Variants in TNN observed in about 807,000 individuals in gnomAD.
TNN encodes tenascin-N.
Under a neutral mutation model 134.4 loss-of-function variants are expected in TNN, and 122 were observed. The ratio of observed to expected loss-of-function variants is 0.91; its 90% CI spans 0.78 to 1.06. The LOEUF (loss-of-function observed/expected upper bound fraction) is 1.06. TNN is among the 50% of genes least tolerant of loss of function. The pLI is 0.00. For synonymous variants in TNN, 710 were observed against 670.3 expected, an observed-to-expected ratio of 1.06 and a Z score of -0.91; for missense variants, 1,739 against 1,699.4, an observed-to-expected ratio of 1.02 and a Z score of -0.41.
chr1:175,084,702 T>C (rs1019151778), intron 5 of TNN, among the ~76,000 whole-genome samples: 2 of 152,246 alleles, frequency 1.3e-5, no homozygotes, highest in East Asian at 1.9e-4. Flanking sequence ...GGGTTCTTAG[T>C]GTTTGTGGAG....
At chr1:175,073,169 G>A (rs1558345119) in intron 1 of TNN, among the ~76,000 whole-genome samples, 1 of 152,092 alleles carries the variant, frequency 6.6e-6, no homozygotes, top group Non-Finnish European at 1.5e-5. Flanking sequence ...AACGGCAGAA[G>A]TGTATAGGGA....
In TNN at chr1:175,128,268, T is replaced by A; in HGVS notation, c.3178+104T>A. On this transcript the variant is annotated intron_variant, in intron 14 of 18. Transcript: ENST00000239462. ...GAGCAAGTGGATGCAGAACTATTGA[T>A]TTCTCTAGGCATGGGGAAGTGGAAA... 6 of 1,120,370 alleles carry A rather than the reference T, an allele frequency of 5.4e-6. No homozygotes were observed. In the South Asian group the frequency reaches 7.9e-5, roughly 15 times the overall value. 69.4% of individuals were successfully genotyped at this position (1,120,370 alleles called of 1,614,324 possible).
intron 9 of TNN, among the ~76,000 whole-genome samples, chr1:175,103,334 C>T (rs1380464484): frequency 6.8e-6 from 1 of 146,168 alleles, no homozygotes; most frequent in Non-Finnish European, 1.5e-5. Flanking sequence ...ACATTCTTCC[C>T]CTAAGAAGGT....
rs779937308 is a variant in TNN at position 175,097,728 on chromosome 1, G to A, written c.1855+45G>A. ...CAATTGGAATTGAGTTTTAGCTTGT[G>A]GATTTGAATAGGTATGGTATCAAAG... On this transcript the variant is annotated intron_variant, in intron 8 of 18. Transcript: ENST00000239462. 4 of 1,611,266 alleles carry A rather than the reference G, an allele frequency of 2.5e-6. No homozygotes were observed. In the Admixed American group the frequency reaches 6.7e-5, roughly 27 times the overall value.
At position 175,118,936 on chromosome 1, in the gene TNN, GTTT is replaced by G. The variant is rs1558366152; in HGVS notation, c.2650+114_2650+116del. ...ATCTGTAACCTCAGGGCTGCAGACT[GTTT>G]TAGGAGAGTTTGCTGTAAAAACAAA... On this transcript the variant is annotated intron_variant, in intron 11 of 18. Coordinates refer to ENST00000239462, the MANE Select transcript of TNN (RefSeq NM_022093.2). The G allele has an allele frequency of 4.4e-5, 60 of 1,371,094 alleles. No individual in the cohort carries two copies. In the South Asian group the frequency reaches 7.9e-4, roughly 18 times the overall value. The allele number at this position is 1,371,094 out of a possible 1,614,324, so 84.9% of individuals were successfully genotyped here.
intron 6 of TNN, among the ~76,000 whole-genome samples, chr1:175,086,967 T>C (rs935948453): frequency 3.3e-5 from 5 of 152,156 alleles, no homozygotes; most frequent in African/African-American, 1.2e-4. Context: ...ATGAAGTAGA[T>C]ACTATTATTA....
chr1:175,079,955 T>C (rs1236138765), intron 3 of TNN, among the ~76,000 whole-genome samples: 1 of 125,224 alleles, frequency 8.0e-6, no homozygotes, highest in African/African-American at 3.5e-5. Context: ...TGTGATCTAA[T>C]GGCTGTGTGT....
At chr1:175,136,198 G>T (rs1192982289) in intron 16 of TNN, among the ~76,000 whole-genome samples, 1 of 152,160 alleles carries the variant, frequency 6.6e-6, no homozygotes, top group East Asian at 1.9e-4. Context: ...GCAGCCTGAA[G>T]ATCTTAGAAG....
At chr1:175,090,483 T>C (rs911991115) in intron 6 of TNN, among the ~76,000 whole-genome samples, 3 of 152,114 alleles carry the variant, frequency 2.0e-5, no homozygotes, top group African/African-American at 7.2e-5. Context: ...TCATTTCTCA[T>C]AGATTTTTCA....
At chr1:175,132,400 C>T (rs746507325) in intron 15 of TNN, among the ~76,000 whole-genome samples, 5 of 152,116 alleles carry the variant, frequency 3.3e-5, no homozygotes, top group Non-Finnish European at 5.9e-5. Flanking sequence ...AGGGCCAGCA[C>T]TCACGAAATG....
chr1:175,142,943 G>A (rs1675973605), intron 17 of TNN, among the ~76,000 whole-genome samples: 1 of 152,122 alleles, frequency 6.6e-6, no homozygotes, highest in South Asian at 2.1e-4. Context: ...AGTTCTCAGG[G>A]GATGTGGATG....
rs189072607 is a variant in TNN at position 175,075,360 on chromosome 1, T to A, written c.-35-2024T>A. ...TCGCCCAGGCTGGAGTGCAGTGGCA[T>A]GGTCTCGGCTCACTGCAGCCTCCGC... is the stretch of plus-strand genomic sequence containing the variant. On this transcript the variant is annotated intron_variant, in intron 1 of 18. Coordinates refer to ENST00000239462, the MANE Select transcript of TNN (RefSeq NM_022093.2). Among the ~76,000 whole-genome samples the A allele has an allele frequency of 3.6e-3, 542 of 152,276 alleles. 3 individuals carry two copies. Among genetic ancestry groups the A allele is most frequent in the African/African-American group, 0.012 (517 of 41,554 alleles).
At chr1:175,108,051 C>A (rs1051048935) in intron 9 of TNN, among the ~76,000 whole-genome samples, 3 of 151,488 alleles carry the variant, frequency 2.0e-5, no homozygotes, top group African/African-American at 7.3e-5. Context: ...GGTGTATTTA[C>A]AAACCTTGAG....
At chr1:175,076,507 C>A (rs1402702557) in intron 1 of TNN, among the ~76,000 whole-genome samples, 1 of 152,234 alleles carries the variant, frequency 6.6e-6, no homozygotes, top group Non-Finnish European at 1.5e-5. Flanking sequence ...AGGTCCATTT[C>A]TCTGAATGCT....
chr1:175,118,631 G>T lies in TNN; in HGVS notation c.2457G>T (p.Pro819=). ...TENTATVSWD[P]VQATIDRYVV... is the part of the protein sequence containing the mutation. ...ATACAGCCACTGTCTCCTGGGACCC[G>T]GTGCAGGCCACCATTGACAGGTATG... The change falls in exon 11 of 19, where the codon CCG becomes CCT. Residue 819 remains proline, a synonymous_variant. Coordinates refer to ENST00000239462, the MANE Select transcript of TNN (RefSeq NM_022093.2). The T allele has an allele frequency of 6.2e-7, 1 of 1,614,180 alleles. No individual in the cohort carries two copies. The highest frequency in any genetic ancestry group is 8.5e-7 in the Non-Finnish European group (1 of 1,180,034).
At chr1:175,127,145 T>C in intron 13 of TNN, 60 bp downstream of exon 13, 1 of 1,576,698 alleles carries the variant, frequency 6.3e-7, no homozygotes, top group Non-Finnish European at 8.6e-7. Context: ...GCAACTAACT[T>C]GGGCCAATCA....
intron 11 of TNN, among the ~76,000 whole-genome samples, chr1:175,119,161 T>C (rs1367536981): frequency 1.3e-5 from 2 of 152,216 alleles, no homozygotes; most frequent in Admixed American, 1.3e-4. Context: ...AATAAAAGAA[T>C]GGCTACTAGC....
At chr1:175,081,681 CT>C (rs1396450462) in intron 4 of TNN, among the ~76,000 whole-genome samples, 1 of 152,196 alleles carries the variant, frequency 6.6e-6, no homozygotes, top group Non-Finnish European at 1.5e-5. Context: ...AGGAGCACCC[CT>C]GTAGTTGAAC....
chr1:175,126,104 C>CTTTTT lies in TNN; in HGVS notation c.2915-840_2915-836dup, dbSNP rs11410834. On this transcript the variant is annotated intron_variant, in intron 12 of 18. Coordinates refer to ENST00000239462, the MANE Select transcript of TNN (RefSeq NM_022093.2). ...AAGAAACATAACTTTTTGTTTCTTT[C>CTTTTT]TTTTTTTTTTTTTTTAAGACAGAGT... Among the ~76,000 whole-genome samples the CTTTTT allele has an allele frequency of 9.5e-4, 127 of 133,342 alleles. 1 individual carries two copies. Among genetic ancestry groups the CTTTTT allele is most frequent in the African/African-American group, 3.3e-3 (116 of 35,080 alleles). 87.5% of individuals were successfully genotyped at this position (133,342 alleles called of 152,430 possible).
Sources: allele counts gnomAD v4.1 joint callset (sites outside exome capture counted in the v4.1 genomes callset), GRCh38; gene constraint gnomAD v4.1.1; transcripts MANE v1.5; gene names NCBI Gene and HGNC (gene_info 2026-07-23, HGNC 2026-07-21).